Variants in SCN2A observed in about 807,000 individuals in gnomAD.
SCN2A encodes the protein sodium channel protein type 2 subunit alpha.
In SCN2A, 20 loss-of-function variants were observed where a neutral mutation model predicts 188.7. The observed-to-expected ratio is 0.11, with a 90% CI of 0.07 to 0.15. The LOEUF (loss-of-function observed/expected upper bound fraction) is 0.15. Ranked by LOEUF, SCN2A falls within the 10% of genes least tolerant of loss-of-function variation. SCN2A has a pLI of 1.00. For missense variants in SCN2A, 1,278 were observed against 2,445.0 expected (o/e 0.52, Z 10.07); for synonymous variants, 804 against 833.1 (o/e 0.97, Z 0.60).
chr2:165,247,771 C>A (rs112000481), intron 1 of SCN2A, among the ~76,000 whole-genome samples: 5,141 of 152,206 alleles, frequency 0.034, 116 homozygotes, highest in Middle Eastern at 0.051. Context: ...CAAATATTTA[C>A]CTCCAGTTTT....
At chr2:165,338,261 C>A (rs1574626574) in intron 14 of SCN2A, among the ~76,000 whole-genome samples, 2 of 139,276 alleles carry the variant, frequency 1.4e-5, no homozygotes, top group Non-Finnish European at 3.1e-5. Context: ...AAGATTTGAA[C>A]TTTTTTTTTT....
At chr2:165,274,151 T>C (rs1319595865) in intron 1 of SCN2A, 1 of 152,110 alleles carries the variant, frequency 6.6e-6, no homozygotes, top group Non-Finnish European at 1.5e-5. Flanking sequence ...TCTTTTTGTA[T>C]AAAATACTCC....
chr2:165,328,170 A>G (rs1344370719), intron 13 of SCN2A: 1 of 152,380 alleles, frequency 6.6e-6, no homozygotes, highest in Admixed American at 6.5e-5. Flanking sequence ...CAATACGAAA[A>G]GCCTGAAAAT....
At chr2:165,300,687 G>T (rs1248400335) in intron 3 of SCN2A, among the ~76,000 whole-genome samples, 1 of 152,174 alleles carries the variant, frequency 6.6e-6, no homozygotes, top group African/African-American at 2.4e-5. Flanking sequence ...GGCTGGAGCA[G>T]AGTGGGAAAG....
intron 1 of SCN2A, among the ~76,000 whole-genome samples, chr2:165,244,471 A>C (rs1325486246): frequency 6.6e-6 from 1 of 152,110 alleles, no homozygotes; most frequent in East Asian, 1.9e-4. Context: ...ATGTGGAAGA[A>C]GACATAATTA....
intron 14 of SCN2A, among the ~76,000 whole-genome samples, chr2:165,332,736 A>T (rs1309181076): frequency 1.3e-5 from 2 of 152,014 alleles, no homozygotes; most frequent in Admixed American, 6.6e-5. Flanking sequence ...GAAACAAGAA[A>T]GCCTTTGGAG....
At chr2:165,348,504 T>G (rs181070285) in intron 16 of SCN2A, among the ~76,000 whole-genome samples, 2 of 152,200 alleles carry the variant, frequency 1.3e-5, no homozygotes, top group Non-Finnish European at 2.9e-5. Flanking sequence ...TTTCAGCCTC[T>G]TCAACATTAC....
chr2:165,247,920 CT>C (rs1227294281), intron 1 of SCN2A, among the ~76,000 whole-genome samples: 1 of 152,172 alleles, frequency 6.6e-6, no homozygotes, highest in Non-Finnish European at 1.5e-5. Flanking sequence ...CCCCACCTTA[CT>C]TTTTTCAGGA....
intron 14 of SCN2A, among the ~76,000 whole-genome samples, chr2:165,332,806 T>A (rs1195415946): frequency 1.3e-5 from 2 of 151,978 alleles, no homozygotes; most frequent in Non-Finnish European, 2.9e-5. Flanking sequence ...ATTCATTACC[T>A]CACTTTACTG....
At position 165,376,935 on chromosome 2, in the gene SCN2A, G is replaced by A. The variant is rs571116041; in HGVS notation, c.4255-662G>A. The stretch of plus-strand genomic sequence containing the variant: ...ATCCTCAAGACTATTAAAATAGTCA[G>A]GAAAGGGGAAGAGCCTGTGGCACTA... On this transcript the variant is annotated intron_variant, in intron 22 of 26. Transcript: ENST00000375437. 3.1e-5 allele frequency among the ~76,000 whole-genome samples: 4 copies of A among 127,604 alleles called. No homozygotes were observed. The Admixed American group carries it at 3.4e-4, about 11-fold the overall frequency. 83.7% of individuals were successfully genotyped at this position (127,604 alleles called of 152,430 possible). A position where few individuals can be genotyped will look rare whatever the true frequency, so the allele number is the denominator to read the frequency against.
At chr2:165,367,764 C>G (rs552660419) in intron 19 of SCN2A, among the ~76,000 whole-genome samples, 2 of 152,296 alleles carry the variant, frequency 1.3e-5, no homozygotes, top group East Asian at 3.9e-4. Flanking sequence ...CCGGTAGGAG[C>G]GAACTCCACT....
intron 3 of SCN2A, among the ~76,000 whole-genome samples, chr2:165,297,687 C>T (rs1225022855): frequency 6.6e-6 from 1 of 152,180 alleles, no homozygotes; most frequent in Non-Finnish European, 1.5e-5. Flanking sequence ...TTCGCAACAG[C>T]CTTCTTATTG....
chr2:165,341,157 T>C (rs984854944), intron 14 of SCN2A, among the ~76,000 whole-genome samples: 2 of 152,070 alleles, frequency 1.3e-5, no homozygotes, highest in Admixed American at 6.5e-5. Flanking sequence ...GCAGTGGCGC[T>C]ATCTCGGCTC....
chr2:165,242,395 G>A lies in SCN2A; in HGVS notation c.-52+2755G>A, dbSNP rs146951134. Among the ~76,000 whole-genome samples, 20 of 152,130 alleles carry A rather than the reference G, an allele frequency of 1.3e-4. No individual in the cohort carries two copies. The East Asian group carries it at 3.9e-3, about 29-fold the overall frequency. On this transcript the variant is annotated intron_variant, in intron 1 of 26. Transcript: ENST00000375437. The stretch of plus-strand genomic sequence containing the variant: ...TAACAATATCATAGGAGGCCAAGCA[G>A]GTAAATTGAATATCAAAATAGGGAT...
In SCN2A at chr2:165,278,506, C is replaced by A. The variant is rs150728001; in HGVS notation, c.-51-17267C>A. Among the ~76,000 whole-genome samples, 926 of 152,232 alleles carry A rather than the reference C, an allele frequency of 6.1e-3. 6 individuals carry two copies. Among genetic ancestry groups the A allele is most frequent in the African/African-American group, 0.021 (855 of 41,554 alleles). On this transcript the variant is annotated intron_variant, in intron 1 of 26. Coordinates refer to ENST00000375437, the MANE Select transcript of SCN2A (RefSeq NM_001040142.2). ...TATCACAAGAACAGCACTGGGGAAA[C>A]CACCCCCATGGTTCAATTACCTCCA... is the stretch of plus-strand genomic sequence containing the variant.
intron 1 of SCN2A, among the ~76,000 whole-genome samples, chr2:165,290,150 CAT>C (rs1464636937): frequency 5.9e-5 from 9 of 152,050 alleles, no homozygotes; most frequent in Admixed American, 5.2e-4. Context: ...ATACATATAA[CAT>C]ATACTGATCA....
intron 1 of SCN2A, among the ~76,000 whole-genome samples, chr2:165,278,684 T>A (rs1306918013): frequency 3.3e-5 from 5 of 152,116 alleles, no homozygotes; most frequent in Non-Finnish European, 5.9e-5. Flanking sequence ...ATGGCCATAA[T>A]CCCAGCAGTT....
intron 7 of SCN2A, among the ~76,000 whole-genome samples, chr2:165,311,512 T>C (rs551880233): frequency 6.6e-6 from 1 of 152,238 alleles, no homozygotes; most frequent in Non-Finnish European, 1.5e-5. Flanking sequence ...AAAACACTTA[T>C]TTACAGTATC....
chr2:165,257,398 A>T (rs139053705), intron 1 of SCN2A, among the ~76,000 whole-genome samples: 1 of 152,160 alleles, frequency 6.6e-6, no homozygotes, highest in Non-Finnish European at 1.5e-5. Context: ...AGTGAATCAC[A>T]TGATTTTTTT....
Sources: gnomAD v4.1 joint callset for allele counts (sites outside exome capture counted in the v4.1 genomes callset) on GRCh38, gnomAD v4.1.1 for gene constraint, MANE v1.5 for transcripts, NCBI Gene and HGNC (gene_info 2026-07-23, HGNC 2026-07-21) for gene names.